SPATA22: variants seen among roughly 807,000 people sequenced by gnomAD.
SPATA22 encodes the protein spermatogenesis associated 22.
Under a neutral mutation model 47.8 loss-of-function variants are expected in SPATA22, and 29 were observed. The ratio of observed to expected loss-of-function variants is 0.61; its 90% CI spans 0.45 to 0.83. The LOEUF (loss-of-function observed/expected upper bound fraction) is 0.83. SPATA22 is among the 40% of genes least tolerant of loss of function. The pLI is 0.00. For synonymous variants in SPATA22, 133 were observed against 140.9 expected, an observed-to-expected ratio of 0.94 and a Z score of 0.40; for missense variants, 410 against 421.7, an observed-to-expected ratio of 0.97 and a Z score of 0.24.
chr17:3,448,807 C>T lies in SPATA22; in HGVS notation c.672G>A (p.Lys224=). ...LDDIPEDNTL[K]ETSLYQLQFK... ...CATTAATTTGTATTTAAACATTTAC[C>T]TTCAGGGTGTTGTCTTCTGGAATAT... The change falls in exon 6 of 9, where the codon AAG becomes AAA. Residue 224 remains lysine (K), a splice_region_variant and synonymous_variant. Coordinates refer to ENST00000572969, the MANE Select transcript of SPATA22 (RefSeq NM_001170698.2). 3.2e-6 allele frequency: 5 copies of T among 1,582,312 alleles called. No homozygotes were observed. Among genetic ancestry groups the T allele is most frequent in the Non-Finnish European group, 4.3e-6 (5 of 1,162,210 alleles).
intron 3 of SPATA22, among the ~76,000 whole-genome samples, chr17:3,464,425 C>T (rs1237005138): frequency 4.0e-5 from 6 of 150,204 alleles, no homozygotes; most frequent in African/African-American, 4.9e-5. Context: ...TGAGGAGCGT[C>T]TCTGCCTGGC....
chr17:3,499,447 CTGTACT>C (rs5818897), intron 1 of SPATA22: 148,744 of 155,974 alleles, frequency 0.95, 71,308 homozygotes, highest in East Asian at 1. Flanking sequence ...TTCACGGATA[CTGTACT>C]TGTACTTTTT....
At chr17:3,470,799 G>A (rs1401121689) in intron 1 of SPATA22, among the ~76,000 whole-genome samples, 1 of 151,586 alleles carries the variant, frequency 6.6e-6, no homozygotes, top group Non-Finnish European at 1.5e-5. Context: ...GTCAGGTGCT[G>A]CCTCTGTTTT....
intron 1 of SPATA22, chr17:3,481,948 G>T: frequency 1.4e-6 from 1 of 715,454 alleles, no homozygotes; most frequent in Admixed American, 2.7e-5. Flanking sequence ...TGGGGGGAAA[G>T]GGTGCTACCA....
chr17:3,477,079 C>T (rs910610723), intron 1 of SPATA22, among the ~76,000 whole-genome samples: 15 of 152,010 alleles, frequency 9.9e-5, no homozygotes, highest in Non-Finnish European at 1.5e-4. Context: ...GGCGTGAACC[C>T]GGGAGGCGGA....
chr17:3,478,990 C>A (rs2150744370), intron 1 of SPATA22, among the ~76,000 whole-genome samples: 1 of 152,296 alleles, frequency 6.6e-6, no homozygotes, highest in South Asian at 2.1e-4. Context: ...GTTAGAATAG[C>A]CTCCTAAAGG....
chr17:3,448,922 C>A lies in SPATA22; in HGVS notation c.557G>T (p.Cys186Phe). Reference protein sequence around the residue: ...RQTHSSKISGCTMRGLDKNSA... With the variant: ...RQTHSSKISGFTMRGLDKNSA... ...GTTTTTGTCTAGCCCTCTCATTGTG[C>A]AGCCAGATATTTTTGATGAATGTGT... Residue 186 changes from cysteine (C) to phenylalanine (F), a missense_variant, in exon 6 of 9, where the codon TGC (cysteine) becomes TTC (phenylalanine). Coordinates refer to ENST00000572969, the MANE Select transcript of SPATA22 (RefSeq NM_001170698.2). The A allele has an allele frequency of 6.2e-7, 1 of 1,614,032 alleles. No individual in the cohort carries two copies. Among genetic ancestry groups the A allele is most frequent in the Non-Finnish European group, 8.5e-7 (1 of 1,179,992 alleles).
At chr17:3,483,443 A>G in intron 1 of SPATA22, 4 of 1,471,990 alleles carry the variant, frequency 2.7e-6, no homozygotes, top group Non-Finnish European at 3.8e-6. Flanking sequence ...CTGTTGAAGC[A>G]AAGAGAACAA....
At position 3,462,713 on chromosome 17, in the gene SPATA22, T is replaced by C. The variant is rs2073154873; in HGVS notation, c.227A>G (p.Asp76Gly). 6.2e-7 allele frequency: 1 copy of C among 1,612,572 alleles called. No homozygotes were observed. Among genetic ancestry groups the C allele is most frequent in the Non-Finnish European group, 8.5e-7 (1 of 1,178,586 alleles). ...TTTATATTTCTCCACATACCCGGTG[T>C]CCACTGTTTTCATTACAGGAGCCAA... is the stretch of plus-strand genomic sequence containing the variant. ...PELAPVMKTV[D>G]TGQIPHSVSR... The change falls in exon 4 of 9, where the codon GAC (aspartate) becomes GGC (glycine). Residue 76 changes from aspartate (D) to glycine (G), a missense_variant. Physicochemically the swap from Asp to Gly is moderately conservative, Grantham distance 94 (BLOSUM62 -1). Transcript: ENST00000572969.
chr17:3,470,675 C>T (rs951015211), intron 1 of SPATA22, among the ~76,000 whole-genome samples: 2 of 150,296 alleles, frequency 1.3e-5, no homozygotes, highest in Non-Finnish European at 3.0e-5. Context: ...GGCATGAACT[C>T]GGGAGGCGGA....
At position 3,494,785 on chromosome 17, in the gene SPATA22, A is replaced by T. The variant is rs189880890; in HGVS notation, c.-74+18627T>A. On this transcript the variant is annotated intron_variant, in intron 1 of 8. Transcript: ENST00000541913. ...AATGAGATGGGAGAGGAGTGGTCAGACAAGGCCACTTAGAGAAAGTGAAAC... is the reference window on the plus strand; with the variant it reads ...AATGAGATGGGAGAGGAGTGGTCAGTCAAGGCCACTTAGAGAAAGTGAAAC... 3.1e-4 allele frequency among the ~76,000 whole-genome samples: 47 copies of T among 152,338 alleles called. 1 individual carries two copies. The highest frequency in any genetic ancestry group is 2.7e-3 in the Admixed American group (42 of 15,304).
chr17:3,442,292 C>T (rs1487987848), intron 8 of SPATA22, among the ~76,000 whole-genome samples: 1 of 151,876 alleles, frequency 6.6e-6, no homozygotes. Context: ...CCTTAACAAC[C>T]TTTCGAAGTA....
intron 1 of SPATA22, chr17:3,498,854 C>G: frequency 6.9e-7 from 1 of 1,452,148 alleles, no homozygotes; most frequent in Non-Finnish European, 9.1e-7. Context: ...GGAGAAAAAC[C>G]AAATATAATA....
At position 3,494,412 on chromosome 17, in the gene SPATA22, C is replaced by T. The variant is rs367957948; in HGVS notation, c.-74+19000G>A. On this transcript the variant is annotated intron_variant, in intron 1 of 8. Coordinates refer to the SPATA22 transcript ENST00000541913. ...AATTATAGAGAAAGTTGATTACCCC[C>T]GGGATGAAAATGGAGAAATTGCTGC... The T allele has an allele frequency of 1.9e-5, 31 of 1,612,726 alleles. No homozygotes were observed. Among genetic ancestry groups the T allele is most frequent in the South Asian group, 1.6e-4 (15 of 91,058 alleles).
chr17:3,442,259 A>G (rs2072614410), intron 8 of SPATA22, among the ~76,000 whole-genome samples: 1 of 152,020 alleles, frequency 6.6e-6, no homozygotes, highest in African/African-American at 2.4e-5. Flanking sequence ...TGCACTGTAT[A>G]TTCATGTTTC....
At chr17:3,455,129 C>T (rs2072955925) in intron 5 of SPATA22, among the ~76,000 whole-genome samples, 1 of 145,230 alleles carries the variant, frequency 6.9e-6, no homozygotes, top group Admixed American at 6.8e-5. Context: ...TATCCTTTGC[C>T]CACTTTTTGA....
chr17:3,510,134 T>C (rs2150772613), intron 1 of SPATA22, among the ~76,000 whole-genome samples: 1 of 152,308 alleles, frequency 6.6e-6, no homozygotes. Flanking sequence ...CTGATGGTAG[T>C]TTGTTTTGCT....
upstream of SPATA22, chr17:3,476,381 C>T: frequency 6.2e-7 from 1 of 1,613,938 alleles, no homozygotes; most frequent in Non-Finnish European, 8.5e-7. Flanking sequence ...GCATTTTTGA[C>T]CTTGAAAATC....
chr17:3,448,697 T>C (rs1467033878), intron 6 of SPATA22, 110 bp downstream of exon 6: 11 of 743,648 alleles, frequency 1.5e-5, no homozygotes, highest in Non-Finnish European at 2.1e-6. Flanking sequence ...AATCAAGTAA[T>C]GTATGTCATG....
Sources: allele counts gnomAD v4.1 joint callset (sites outside exome capture counted in the v4.1 genomes callset), GRCh38; gene constraint gnomAD v4.1.1; transcripts MANE v1.5; gene names NCBI Gene and HGNC (gene_info 2026-07-23, HGNC 2026-07-21).